PSEN1: variants seen among roughly 807,000 people sequenced by gnomAD.
PSEN1 encodes presenilin-1.
Under a neutral mutation model 53.5 loss-of-function variants are expected in PSEN1, and 15 were observed. The ratio of observed to expected loss-of-function variants is 0.28; its 90% CI spans 0.19 to 0.43. The LOEUF is 0.43. PSEN1 is among the 20% of genes least tolerant of loss of function. PSEN1 has a pLI of 1.00. For synonymous variants in PSEN1, 208 were observed against 209.8 expected (o/e 0.99, Z 0.08); for missense variants, 387 against 571.2 (o/e 0.68, Z 3.29).
At chr14:73,208,103 AG>A (rs1011845546) in intron 9 of PSEN1, among the ~76,000 whole-genome samples, 2 of 152,294 alleles carry the variant, frequency 1.3e-5, no homozygotes, top group Admixed American at 6.5e-5. Context: ...AACCCCAAAG[AG>A]GGGGGTCATA....
At chr14:73,136,907 A>G in intron 1 of PSEN1, 1 of 154,468 alleles carries the variant, frequency 6.5e-6, no homozygotes, top group Non-Finnish European at 1.4e-5. Flanking sequence ...TAGGAGAAAG[A>G]GGAAGCGTCT....
chr14:73,158,296 C>CTATCTATCTATG (rs1308946019), intron 3 of PSEN1, among the ~76,000 whole-genome samples: 14 of 150,516 alleles, frequency 9.3e-5, no homozygotes, highest in Non-Finnish European at 1.6e-4. Flanking sequence ...ATCTATCTAT[C>CTATCTATCTATG]TATCTATCTA....
At chr14:73,218,701 A>AT (rs1277597137) in intron 11 of PSEN1, among the ~76,000 whole-genome samples, 2 of 146,998 alleles carry the variant, frequency 1.4e-5, no homozygotes, top group Admixed American at 6.8e-5. Flanking sequence ...AGCATAGAGA[A>AT]GCCCCCGCAC....
intron 9 of PSEN1, among the ~76,000 whole-genome samples, chr14:73,208,201 A>T (rs1398845054): frequency 6.6e-6 from 1 of 152,180 alleles, no homozygotes; most frequent in Admixed American, 6.5e-5. Flanking sequence ...GCCACCTGCA[A>T]CGTGGCAAGT....
In PSEN1 at chr14:73,210,371, T is replaced by C. The variant is rs1899629284; in HGVS notation, c.956-1398T>C. Among the ~76,000 whole-genome samples, 3 of 152,326 alleles carry C rather than the reference T, an allele frequency of 2.0e-5. No homozygotes were observed. The South Asian group carries it at 6.2e-4, about 32-fold the overall frequency. On this transcript the variant is annotated intron_variant, in intron 9 of 11. Transcript: ENST00000324501. The stretch of plus-strand genomic sequence containing the variant: ...TGAGAATATAAAGCTGAATTTAATA[T>C]AAGGTTATGGCACTGGGAAGACAGG...
At chr14:73,143,015 T>G (rs1358903447) in intron 1 of PSEN1, among the ~76,000 whole-genome samples, 2 of 152,138 alleles carry the variant, frequency 1.3e-5, no homozygotes, top group East Asian at 3.8e-4. Context: ...TCTGGGTAAC[T>G]GTTGTTGTTT....
In PSEN1 at chr14:73,160,611, T is replaced by A. The variant is rs186455457; in HGVS notation, c.88-10186T>A. Among the ~76,000 whole-genome samples, 79 of 152,274 alleles carry A rather than the reference T, an allele frequency of 5.2e-4. No individual in the cohort carries two copies. The East Asian group carries it at 0.012, about 23-fold the overall frequency. ...GCCATCCTAACGGGTGTAGTTTTTT[T>A]TTGCATTTTTCTAATGATTAGTGAT... On this transcript the variant is annotated intron_variant, in intron 3 of 11. Transcript: ENST00000324501.
chr14:73,218,086 CTTTTTTTT>C (rs58637970), intron 11 of PSEN1, among the ~76,000 whole-genome samples: 1 of 97,896 alleles, frequency 1.0e-5, no homozygotes, highest in Non-Finnish European at 2.0e-5. Flanking sequence ...CCGCACCTGG[CTTTTTTTT>C]TTTTTTTTTT....
intron 5 of PSEN1, among the ~76,000 whole-genome samples, chr14:73,185,233 A>C (rs1157922018): frequency 1.3e-5 from 2 of 152,104 alleles, no homozygotes; most frequent in Non-Finnish European, 2.9e-5. Flanking sequence ...CAATCTCGGC[A>C]CTTTGGGAGG....
chr14:73,148,867 A>G (rs987582800), intron 3 of PSEN1, among the ~76,000 whole-genome samples: 1 of 152,132 alleles, frequency 6.6e-6, no homozygotes, highest in African/African-American at 2.4e-5. Context: ...CAGGAGGTGG[A>G]GGTTACAGTG....
intron 5 of PSEN1, among the ~76,000 whole-genome samples, chr14:73,185,587 A>T (rs990874286): frequency 6.6e-6 from 1 of 151,820 alleles, no homozygotes; most frequent in Non-Finnish European, 1.5e-5. Flanking sequence ...AGACCGTGGA[A>T]AGAGAGGGAG....
At chr14:73,148,860 G>T (rs1264114108) in intron 3 of PSEN1, among the ~76,000 whole-genome samples, 1 of 152,202 alleles carries the variant, frequency 6.6e-6, no homozygotes, top group Non-Finnish European at 1.5e-5. Context: ...TGGAACCCAG[G>T]AGGTGGAGGT....
chr14:73,154,177 G>A (rs1280500238), intron 3 of PSEN1, among the ~76,000 whole-genome samples: 1 of 152,134 alleles, frequency 6.6e-6, no homozygotes, highest in Non-Finnish European at 1.5e-5. Context: ...TATAATATTT[G>A]TAAACACAAC....
chr14:73,213,004 C>G (rs1899764670), intron 10 of PSEN1, among the ~76,000 whole-genome samples: 1 of 152,226 alleles, frequency 6.6e-6, no homozygotes. Context: ...ACATATCCAT[C>G]AGTTTGAGGA....
chr14:73,170,827 G>GACAGAC lies in PSEN1; in HGVS notation c.119_124dup (p.Arg41_Arg42insHisArg), dbSNP rs1897864360. 5.0e-6 allele frequency: 8 copies of GACAGAC among 1,613,416 alleles called. No individual in the cohort carries two copies. The East Asian group carries it at 1.3e-4, about 27-fold the overall frequency. On this transcript the variant is annotated inframe_insertion, in exon 4 of 12. Transcript: ENST00000324501. ...CAATAGAGAACGGCAGGAGCACAAC[G>GACAGAC]ACAGACGGAGCCTTGGCCACCCTGA...
chr14:73,189,895 C>T (rs78558172), intron 6 of PSEN1: 2,656 of 188,070 alleles, frequency 0.014, 32 homozygotes, highest in South Asian at 0.024. Flanking sequence ...CTCCCTTGAC[C>T]GGGTGGGCAC....
chr14:73,195,321 C>T (rs1042257444), intron 7 of PSEN1, among the ~76,000 whole-genome samples: 1 of 152,130 alleles, frequency 6.6e-6, no homozygotes. Flanking sequence ...TACAAGTGCG[C>T]ACCACCACGC....
chr14:73,202,694 G>C (rs941751483), intron 8 of PSEN1, among the ~76,000 whole-genome samples: 35 of 150,552 alleles, frequency 2.3e-4, no homozygotes, highest in Non-Finnish European at 2.5e-4. Flanking sequence ...GGATTGTCTC[G>C]ATCTCTTGAC....
At chr14:73,172,503 A>G (rs1897921574) in intron 4 of PSEN1, among the ~76,000 whole-genome samples, 1 of 152,246 alleles carries the variant, frequency 6.6e-6, no homozygotes. Context: ...ACAAAGGTGT[A>G]ATAACAAAGT....
Sources: allele counts gnomAD v4.1 joint callset (sites outside exome capture counted in the v4.1 genomes callset), GRCh38; gene constraint gnomAD v4.1.1; transcripts MANE v1.5; gene names NCBI Gene and HGNC (gene_info 2026-07-23, HGNC 2026-07-21).